PDE4D: variants seen among roughly 807,000 people sequenced by gnomAD.
PDE4D encodes 3',5'-cyclic-AMP phosphodiesterase 4D.
Under a neutral mutation model 87.4 loss-of-function variants are expected in PDE4D, and 24 were observed. The ratio of observed to expected loss-of-function variants is 0.27; its 90% CI spans 0.20 to 0.39. The LOEUF (loss-of-function observed/expected upper bound fraction) is 0.39, where lower values mean the gene tolerates loss of function less well. Ranked by LOEUF, PDE4D falls within the 10% of genes least tolerant of loss-of-function variation. The probability of loss-of-function intolerance (pLI) is 1.00; values close to 1 mark genes in which losing one functional copy is unlikely to be tolerated. For missense variants in PDE4D, 714 were observed against 1,041.0 expected (o/e 0.69, Z 4.32); for synonymous variants, 384 against 383.2 (o/e 1.00, Z -0.02).
chr5:59,398,326 C>G (rs1789901586), intron 1 of PDE4D, among the ~76,000 whole-genome samples: 1 of 136,138 alleles, frequency 7.3e-6, no homozygotes, highest in Admixed American at 7.3e-5. Context: ...ATGCAAAAAT[C>G]CTCAATAAAA....
chr5:59,762,890 TATAG>T lies in PDE4D; in HGVS notation c.455+130274_455+130277del, dbSNP rs1273232592. ...ATATATATATATATATATATATATA[TATAG>T]CTTGCTCTTTCTCATTTTATAGTAT... On this transcript the variant is annotated intron_variant, in intron 1 of 14. Transcript: ENST00000340635. Among the ~76,000 whole-genome samples, 268 of 124,506 alleles carry T rather than the reference TATAG, an allele frequency of 2.2e-3. 4 individuals are homozygous for T. Among genetic ancestry groups the T allele is most frequent in the Middle Eastern group, 4.8e-3 (1 of 208 alleles). The allele number at this position is 124,506 out of a possible 152,430, so 81.7% of individuals were successfully genotyped here. A position where few individuals can be genotyped will look rare whatever the true frequency, so the allele number is the denominator to read the frequency against.
chr5:60,152,652 CAAAA>C (rs35561110), intron 2 of PDE4D, among the ~76,000 whole-genome samples: 121 of 130,180 alleles, frequency 9.3e-4, no homozygotes, highest in Middle Eastern at 3.9e-3. Flanking sequence ...GACTCTGTCT[CAAAA>C]AAAAAAAAAA....
chr5:59,038,359 T>C (rs1758923808), intron 6 of PDE4D, among the ~76,000 whole-genome samples: 1 of 152,210 alleles, frequency 6.6e-6, no homozygotes, highest in Non-Finnish European at 1.5e-5. Flanking sequence ...TAATGTTTCC[T>C]GCGGATATGT....
At chr5:60,170,118 G>T (rs1783281851) in intron 2 of PDE4D, among the ~76,000 whole-genome samples, 1 of 151,938 alleles carries the variant, frequency 6.6e-6, no homozygotes, top group Admixed American at 6.6e-5. Flanking sequence ...TCAGAAGAAA[G>T]AAAATTTACA....
At chr5:59,794,758 T>C (rs1431856202) in intron 1 of PDE4D, among the ~76,000 whole-genome samples, 1 of 152,142 alleles carries the variant, frequency 6.6e-6, no homozygotes, top group African/African-American at 2.4e-5. Context: ...AAACAGTGAA[T>C]TAATGATGAA....
chr5:59,640,597 A>G (rs1342674459), intron 1 of PDE4D, among the ~76,000 whole-genome samples: 2 of 152,172 alleles, frequency 1.3e-5, no homozygotes, highest in Non-Finnish European at 2.9e-5. Flanking sequence ...CTGCTGTCCC[A>G]CTGGACAGAG....
chr5:59,139,304 T>G (rs1581014403), intron 5 of PDE4D, among the ~76,000 whole-genome samples: 1 of 152,258 alleles, frequency 6.6e-6, no homozygotes, highest in African/African-American at 2.4e-5. Context: ...TACTCCATTA[T>G]GCAGATGAGG....
chr5:59,083,019 T>C (rs1767046959), intron 5 of PDE4D, among the ~76,000 whole-genome samples: 1 of 152,138 alleles, frequency 6.6e-6, no homozygotes, highest in Non-Finnish European at 1.5e-5. Context: ...CTTGAATATA[T>C]CTTCGAGTAA....
At chr5:59,183,323 CA>C (rs1390337601) in intron 4 of PDE4D, among the ~76,000 whole-genome samples, 6 of 152,252 alleles carry the variant, frequency 3.9e-5, no homozygotes. Context: ...AGTTCAGGCT[CA>C]AGCTATGATT....
intron 1 of PDE4D, among the ~76,000 whole-genome samples, chr5:59,832,539 C>T (rs1355350312): frequency 6.6e-6 from 1 of 152,014 alleles, no homozygotes. Flanking sequence ...ATCCCCATTG[C>T]TTCTACAGAA....
intron 1 of PDE4D, among the ~76,000 whole-genome samples, chr5:59,638,160 G>A (rs1740916295): frequency 6.6e-6 from 1 of 152,100 alleles, no homozygotes; most frequent in African/African-American, 2.4e-5. Flanking sequence ...AAGGGATTAG[G>A]TCTAATCAGT....
chr5:59,307,563 C>T (rs1038509415), intron 1 of PDE4D, among the ~76,000 whole-genome samples: 1 of 152,088 alleles, frequency 6.6e-6, no homozygotes, highest in Non-Finnish European at 1.5e-5. Flanking sequence ...TATGAACAGA[C>T]ACTTCTCAAA....
intron 1 of PDE4D, among the ~76,000 whole-genome samples, chr5:59,412,659 C>T (rs1792899271): frequency 6.6e-6 from 1 of 152,194 alleles, no homozygotes; most frequent in African/African-American, 2.4e-5. Flanking sequence ...GAGGTTGTTA[C>T]TTTGTACTGG....
At chr5:59,935,178 G>A (rs963633823) in intron 3 of PDE4D, among the ~76,000 whole-genome samples, 10 of 152,106 alleles carry the variant, frequency 6.6e-5, no homozygotes, top group Non-Finnish European at 1.5e-4. Context: ...AGACACTGAT[G>A]CAGAAGTGTA....
chr5:60,038,829 T>C (rs1768120196), intron 2 of PDE4D, among the ~76,000 whole-genome samples: 1 of 151,458 alleles, frequency 6.6e-6, no homozygotes, highest in Non-Finnish European at 1.5e-5. Flanking sequence ...AAAAAACACA[T>C]GAAAAAATGC....
chr5:59,866,510 G>A (rs1747063023), intron 1 of PDE4D, among the ~76,000 whole-genome samples: 5 of 152,136 alleles, frequency 3.3e-5, no homozygotes, highest in Admixed American at 3.3e-4. Context: ...AAGACTGGGT[G>A]TGGTGGCTCA....
chr5:60,181,831 A>G (rs1784399794), intron 2 of PDE4D, among the ~76,000 whole-genome samples: 1 of 152,180 alleles, frequency 6.6e-6, no homozygotes, highest in South Asian at 2.1e-4. Flanking sequence ...AAACTTCATG[A>G]GTTTGGAGAA....
chr5:59,720,679 C>A (rs1247259247), intron 1 of PDE4D, among the ~76,000 whole-genome samples: 1 of 152,084 alleles, frequency 6.6e-6, no homozygotes, highest in Non-Finnish European at 1.5e-5. Flanking sequence ...TTAAGTACAA[C>A]AACATAGTGG....
At chr5:59,799,054 C>T (rs955377715) in intron 1 of PDE4D, among the ~76,000 whole-genome samples, 1 of 152,056 alleles carries the variant, frequency 6.6e-6, no homozygotes, top group African/African-American at 2.4e-5. Flanking sequence ...CCAGTTGACC[C>T]CCAGGGGAAA....
Sources: allele counts gnomAD v4.1 joint callset (sites outside exome capture counted in the v4.1 genomes callset), GRCh38; gene constraint gnomAD v4.1.1; transcripts MANE v1.5; gene names NCBI Gene and HGNC (gene_info 2026-07-23, HGNC 2026-07-21).